The following PCDHGA1 variants were observed in gnomAD, a reference collection of about 807,000 sequenced individuals.
PCDHGA1 encodes the protein protocadherin gamma subfamily A, 1.
PCDHGA1 carries 32 observed loss-of-function variants against 58.0 expected under a neutral mutation model. The observed-to-expected ratio is 0.55, with a 90% confidence interval of 0.42 to 0.74. The LOEUF is 0.74. Ranked by LOEUF, PCDHGA1 falls within the 30% of genes least tolerant of loss-of-function variation. The probability of loss-of-function intolerance (pLI) is 0.00; values close to 1 mark genes in which losing one functional copy is unlikely to be tolerated. For synonymous variants in PCDHGA1, 498 were observed against 501.1 expected (o/e 0.99, Z 0.08); for missense variants, 1,205 against 1,182.3 (o/e 1.02, Z -0.28).
chr5:141,477,475 C>A lies in PCDHGA1; in HGVS notation c.2422-17332C>A. ...TTCAAGTGTCCGACATCAATGACAA[C>A]CCTCCACAATCTTCTCAATCTTCCT... On this transcript the variant is annotated intron_variant, in intron 1 of 3. Coordinates refer to ENST00000517417, the MANE Select transcript of PCDHGA1 (RefSeq NM_018912.3). The surrounding 1 kb of genome is among the most constrained non-coding windows in gnomAD (Gnocchi z 4.9). The A allele has an allele frequency of 3.1e-6, 5 of 1,614,124 alleles. No homozygotes were observed. The highest frequency in any genetic ancestry group is 4.2e-6 in the Non-Finnish European group (5 of 1,180,030).
At position 141,493,332 on chromosome 5, in the gene PCDHGA1, C is replaced by T. The variant is rs2099747680; in HGVS notation, c.2422-1475C>T. 6.6e-6 allele frequency among the ~76,000 whole-genome samples: 1 copy of T among 152,210 alleles called. No homozygotes were observed. The highest frequency in any genetic ancestry group is 1.5e-5 in the Non-Finnish European group (1 of 68,036). Reference sequence around the variant, plus strand: ...AAGAGAGATTCTAACCCCTGTCTAACTCCAGAATGTGTGCTTTTAATTTCT... The same window carrying T: ...AAGAGAGATTCTAACCCCTGTCTAATTCCAGAATGTGTGCTTTTAATTTCT... On this transcript the variant is annotated intron_variant, in intron 1 of 3. Transcript: ENST00000517417. This position sits in a 1 kb window ranked among gnomAD's most constrained non-coding sequence, Gnocchi z 4.3.
At chr5:141,342,454 T>C (rs1757162666) in intron 1 of PCDHGA1, 1 of 152,226 alleles carries the variant, frequency 6.6e-6, no homozygotes. Flanking sequence ...TTATTTTTAT[T>C]TGAAAATTAT....
rs748395200 is a variant in PCDHGA1, at chr5:141,374,991, CT to C, written c.2421+41888del. On this transcript the variant is annotated intron_variant, in intron 1 of 3. Transcript: ENST00000517417. Reference sequence around the variant, plus strand: ...AATGTTTTGACTGGAGAAATTTCAACTTCTGCAAATCTAGACTATGAGGACT... The same window carrying C: ...AATGTTTTGACTGGAGAAATTTCAACTCTGCAAATCTAGACTATGAGGACT... The C allele has an allele frequency of 5.6e-6, 9 of 1,613,918 alleles. No individual in the cohort carries two copies. In the East Asian group the frequency reaches 2.0e-4, roughly 36 times the overall value.
rs556484142 is a variant in PCDHGA1 at position 141,503,243 on chromosome 5, CA to C, written c.2481-2149del. On this transcript the variant is annotated intron_variant, in intron 2 of 3. Coordinates refer to ENST00000517417, the MANE Select transcript of PCDHGA1 (RefSeq NM_018912.3). ...CACCGTAAAGATGGACAGTTTCTAT[CA>C]TACTCACAGCCACAACCCCAGCACC... Among the ~76,000 whole-genome samples, 232 of 152,196 alleles carry C rather than the reference CA, an allele frequency of 1.5e-3. 2 individuals carry two copies. Among genetic ancestry groups the C allele is most frequent in the African/African-American group, 5.3e-3 (219 of 41,516 alleles).
intron 1 of PCDHGA1, among the ~76,000 whole-genome samples, chr5:141,472,243 T>A (rs1276064128): frequency 6.6e-6 from 1 of 152,190 alleles, no homozygotes; most frequent in East Asian, 1.9e-4. Context: ...TCACTTTCTA[T>A]TTTAAAGTTA....
intron 1 of PCDHGA1, among the ~76,000 whole-genome samples, chr5:141,354,580 G>A (rs572797488): frequency 3.9e-4 from 60 of 152,314 alleles, no homozygotes; most frequent in Non-Finnish European, 8.2e-4. Flanking sequence ...TGCATAAATT[G>A]GGACTAAAGC....
chr5:141,374,226 T>C (rs1770289818), intron 1 of PCDHGA1: 1 of 1,613,964 alleles, frequency 6.2e-7, no homozygotes, highest in Non-Finnish European at 8.5e-7. Context: ...GTAGGCAACA[T>C]CGTCAAGGAT....
chr5:141,384,238 G>C, intron 1 of PCDHGA1: 2 of 1,613,838 alleles, frequency 1.2e-6, no homozygotes, highest in Admixed American at 1.7e-5. Flanking sequence ...AGACACCAAC[G>C]ATAACCCACC....
chr5:141,503,221 C>T (rs528636727), intron 2 of PCDHGA1, among the ~76,000 whole-genome samples: 34 of 152,074 alleles, frequency 2.2e-4, no homozygotes, highest in Middle Eastern at 6.8e-3. Flanking sequence ...CCATGAGCAC[C>T]GTAAAGATGG....
chr5:141,339,260 G>C (rs781011056), intron 1 of PCDHGA1: 1 of 1,614,252 alleles, frequency 6.2e-7, no homozygotes, highest in South Asian at 1.1e-5. Flanking sequence ...GGAGCTCTGC[G>C]CTCAGAGCGC....
rs2099883868 is a variant in PCDHGA1 at position 141,511,590 on chromosome 5, A to G, written c.*417A>G. On this transcript the variant is annotated 3_prime_UTR_variant, in exon 4 of 4. Transcript: ENST00000517417. The stretch of plus-strand genomic sequence containing the variant: ...AGTAAGGTGGTTGGGGTGTTGAAGT[A>G]CCAAGTAACCTACAAGCCTCCTAGT... 3.7e-6 allele frequency: 1 copy of G among 267,908 alleles called. No individual in the cohort carries two copies. The highest frequency in any genetic ancestry group is 7.4e-6 in the Non-Finnish European group (1 of 135,038). 16.6% of individuals were successfully genotyped at this position (267,908 alleles called of 1,614,324 possible). A position where few individuals can be genotyped will look rare whatever the true frequency, so the allele number is the denominator to read the frequency against.
At chr5:141,469,629 C>T (rs933972587) in intron 1 of PCDHGA1, among the ~76,000 whole-genome samples, 1 of 152,070 alleles carries the variant, frequency 6.6e-6, no homozygotes, top group Admixed American at 6.6e-5. Context: ...GTTTGTAGTT[C>T]CAAAATATTT....
At chr5:141,446,766 C>T (rs1335326278) in intron 1 of PCDHGA1, among the ~76,000 whole-genome samples, 7 of 152,208 alleles carry the variant, frequency 4.6e-5, no homozygotes, top group East Asian at 3.9e-4. Context: ...CGCGCCCAGC[C>T]GGTTACCATT....
rs372994272 is a variant in PCDHGA1, at chr5:141,485,358, G to C, written c.2422-9449G>C. On this transcript the variant is annotated intron_variant, in intron 1 of 3. Coordinates refer to ENST00000517417, the MANE Select transcript of PCDHGA1 (RefSeq NM_018912.3). This position sits in a 1 kb window ranked among gnomAD's most constrained non-coding sequence, Gnocchi z 5.7. ...CTGGATACGGACAGTCTGTCAGCTC[G>C]CAGGCTGCAGGTCGCTGGAGAGGTG... is the stretch of plus-strand genomic sequence containing the variant. 3.1e-6 allele frequency: 5 copies of C among 1,613,982 alleles called. No homozygotes were observed. Among genetic ancestry groups the C allele is most frequent in the Non-Finnish European group, 4.2e-6 (5 of 1,180,014 alleles).
At chr5:141,422,333 T>C in intron 1 of PCDHGA1, 1 of 1,549,594 alleles carries the variant, frequency 6.5e-7, no homozygotes, top group Non-Finnish European at 8.7e-7. Flanking sequence ...GTGATTGCTC[T>C]TCTAAATGTG....
intron 1 of PCDHGA1, chr5:141,362,629 G>A (rs1314036163): frequency 2.1e-5 from 32 of 1,492,692 alleles, no homozygotes; most frequent in Middle Eastern, 1.9e-4. Context: ...GTTCCACTGC[G>A]TATTTCTTTG....
intron 1 of PCDHGA1, chr5:141,360,880 G>T: frequency 1.2e-6 from 2 of 1,614,004 alleles, no homozygotes; most frequent in South Asian, 2.2e-5. Flanking sequence ...CGTGTACAGG[G>T]TCACCCTGAG....
intron 1 of PCDHGA1, chr5:141,371,085 A>T: frequency 6.2e-7 from 1 of 1,613,830 alleles, no homozygotes; most frequent in Non-Finnish European, 8.5e-7. Context: ...GATCAGGGTA[A>T]TTGTCGCAGA....
chr5:141,440,563 T>C (rs1048420758), intron 1 of PCDHGA1: 3 of 152,250 alleles, frequency 2.0e-5, no homozygotes, highest in Admixed American at 6.5e-5. Flanking sequence ...TTAAGTTACG[T>C]ATCTCTGAGT....
Sources: gnomAD v4.1 joint callset for allele counts (sites outside exome capture counted in the v4.1 genomes callset) on GRCh38, gnomAD v4.1.1 for gene constraint, Gnocchi (gnomAD v3.1) non-coding constraint, MANE v1.5 for transcripts, NCBI Gene and HGNC (gene_info 2026-07-23, HGNC 2026-07-21) for gene names.